Variants in LRRC37A2 observed in about 807,000 individuals in gnomAD.
The protein encoded by LRRC37A2 is leucine rich repeat containing 37 member A2, also known as leucine-rich repeat-containing protein 37A2.
LRRC37A2 carries 9 observed loss-of-function variants against 68.8 expected under a neutral mutation model. That is an observed-to-expected ratio of 0.13 (90% CI 0.08 to 0.23). The LOEUF (loss-of-function observed/expected upper bound fraction) is 0.23. Among genes scored for constraint, LRRC37A2 ranks in the 10% least tolerant of loss-of-function variants. LRRC37A2 has a pLI of 1.00. For synonymous variants in LRRC37A2, 63 were observed against 367.6 expected (o/e 0.17, Z 9.48); for missense variants, 168 against 950.4 (o/e 0.18, Z 10.82).
chr17:46,906,012 C>A, the LRRC37A2 span, among the ~76,000 whole-genome samples: 1 of 152,204 alleles, frequency 6.6e-6, no homozygotes, highest in Non-Finnish European at 1.5e-5. Flanking sequence ...CTTCTCCCTT[C>A]CTCCTGAAGA....
the LRRC37A2 span, among the ~76,000 whole-genome samples, chr17:46,492,025 G>A: frequency 2.0e-5 from 3 of 149,916 alleles, 1 homozygote; most frequent in East Asian, 2.0e-4. Flanking sequence ...GTGCAGTGGC[G>A]CGATCTCAGC....
At chr17:46,545,815 C>T (rs1475226292) in intron 8 of LRRC37A2, among the ~76,000 whole-genome samples, 1 of 149,534 alleles carries the variant, frequency 6.7e-6, no homozygotes, top group Non-Finnish European at 1.5e-5. Flanking sequence ...TTTAACTCCG[C>T]AATCCAGGTT....
the LRRC37A2 span, among the ~76,000 whole-genome samples, chr17:46,731,249 G>A: frequency 6.6e-6 from 1 of 152,070 alleles, no homozygotes; most frequent in African/African-American, 2.4e-5. Context: ...ACCACATATT[G>A]GATGATTCCA....
chr17:46,558,306 C>T (rs1359109481), downstream of LRRC37A2, among the ~76,000 whole-genome samples: 2 of 109,770 alleles, frequency 1.8e-5, no homozygotes, highest in Non-Finnish European at 3.6e-5. Flanking sequence ...GTAATCCACC[C>T]GCCCTGGCCT....
At chr17:47,036,663 T>C in the LRRC37A2 span, among the ~76,000 whole-genome samples, 2 of 151,090 alleles carry the variant, frequency 1.3e-5, no homozygotes. Context: ...TGTGAGGGTT[T>C]ATTTCTGGGT....
chr17:47,049,077 T>A, the LRRC37A2 span: 5 of 688,596 alleles, frequency 7.3e-6, no homozygotes, highest in Admixed American at 1.2e-4. Flanking sequence ...GGTGTGTGTG[T>A]CTCCTCTCTG....
chr17:47,003,403 C>T, the LRRC37A2 span, among the ~76,000 whole-genome samples: 1 of 152,208 alleles, frequency 6.6e-6, no homozygotes, highest in African/African-American at 2.4e-5. Flanking sequence ...CTACTAGCAC[C>T]ACTGTCCTGG....
At chr17:46,978,393 C>CAA in the LRRC37A2 span, 335,284 of 438,372 alleles carry the variant, frequency 0.76, 125,188 homozygotes, top group Admixed American at 0.82. Context: ...AACAAACAAA[C>CAA]AAAAAAAACT....
chr17:47,018,804 C>A, the LRRC37A2 span: 1 of 1,521,196 alleles, frequency 6.6e-7, no homozygotes, highest in Non-Finnish European at 9.1e-7. Context: ...AGAGCATTCA[C>A]CCCTGACTCA....
intron 8 of LRRC37A2, among the ~76,000 whole-genome samples, chr17:46,545,299 AAATT>A (rs2056116476): frequency 6.8e-6 from 1 of 147,732 alleles, no homozygotes; most frequent in Non-Finnish European, 1.5e-5. Context: ...AAAAAAAAAA[AAATT>A]AGCTGGGCAT....
chr17:46,938,501 G>A, the LRRC37A2 span: 49 of 1,588,206 alleles, frequency 3.1e-5, no homozygotes, highest in Non-Finnish European at 3.5e-5. Context: ...ATGACCAAGA[G>A]AATGTCTGTT....
At chr17:47,037,356 C>T in the LRRC37A2 span, among the ~76,000 whole-genome samples, 1 of 152,102 alleles carries the variant, frequency 6.6e-6, no homozygotes, top group African/African-American at 2.4e-5. Flanking sequence ...CCACCTGCTT[C>T]AGCCTCCCAA....
At chr17:46,867,949 G>A in the LRRC37A2 span, among the ~76,000 whole-genome samples, 15 of 152,290 alleles carry the variant, frequency 9.8e-5, no homozygotes, top group South Asian at 6.2e-4. Flanking sequence ...ATGGGGTGAA[G>A]GTGCAGAGAA....
the LRRC37A2 span, chr17:46,933,711 G>A: frequency 1.3e-5 from 2 of 149,392 alleles, no homozygotes; most frequent in South Asian, 2.1e-4. Context: ...AATGACACAC[G>A]CCTGTGATCC....
chr17:46,768,572 C>T, the LRRC37A2 span: 8 of 1,614,044 alleles, frequency 5.0e-6, no homozygotes, highest in Non-Finnish European at 6.8e-6. The surrounding 1 kb of genome is among the most constrained non-coding windows in gnomAD (Gnocchi z 5.0). Context: ...AGACCAGGTC[C>T]CTCTCCGTGG....
At chr17:47,017,712 C>T in the LRRC37A2 span, 2 of 1,611,014 alleles carry the variant, frequency 1.2e-6, no homozygotes, top group Non-Finnish European at 1.7e-6. Flanking sequence ...ATCCACACCT[C>T]ATAGTCAGAA....
chr17:46,923,762 T>G, the LRRC37A2 span: 1 of 420,064 alleles, frequency 2.4e-6, no homozygotes, highest in Non-Finnish European at 4.1e-6. Flanking sequence ...TTACAGGTTA[T>G]CGCTAAGAAA....
At chr17:46,998,308 C>T in the LRRC37A2 span, among the ~76,000 whole-genome samples, 510 of 152,284 alleles carry the variant, frequency 3.3e-3, no homozygotes, top group Non-Finnish European at 5.1e-3. Context: ...CGTGAGTGTG[C>T]TGTGTATGTA....
chr17:46,832,692 T>C, the LRRC37A2 span: 1 of 152,346 alleles, frequency 6.6e-6, no homozygotes, highest in Non-Finnish European at 1.5e-5. Flanking sequence ...ACGATTGAGC[T>C]GCCGAGCAAT....
Sources: gnomAD v4.1 joint callset for allele counts (sites outside exome capture counted in the v4.1 genomes callset) on GRCh38, gnomAD v4.1.1 for gene constraint, Gnocchi (gnomAD v3.1) non-coding constraint, MANE v1.5 for transcripts, NCBI Gene and HGNC (gene_info 2026-07-23, HGNC 2026-07-21) for gene names.